Variants in SPHKAP observed in about 807,000 individuals in gnomAD.
The protein encoded by SPHKAP is SPHK1 interactor, AKAP domain containing.
Under a neutral mutation model 137.5 loss-of-function variants are expected in SPHKAP, and 67 were observed. That is an observed-to-expected ratio of 0.49 (90% CI 0.40 to 0.60). SPHKAP has a LOEUF of 0.60. SPHKAP is among the 20% of genes least tolerant of loss of function. The probability of loss-of-function intolerance (pLI) is 0.00; values close to 1 mark genes in which losing one functional copy is unlikely to be tolerated. For synonymous variants in SPHKAP, 813 were observed against 785.3 expected (o/e 1.04, Z -0.59); for missense variants, 2,097 against 2,069.3 (o/e 1.01, Z -0.26).
chr2:228,025,737 T>G (rs550820605), intron 4 of SPHKAP: 2 of 681,168 alleles, frequency 2.9e-6, no homozygotes, highest in Non-Finnish European at 1.8e-6. Context: ...AACTCTTTAG[T>G]TCTACATTTT....
At chr2:228,088,481 C>T (rs542958788) in intron 3 of SPHKAP, among the ~76,000 whole-genome samples, 40 of 152,060 alleles carry the variant, frequency 2.6e-4, no homozygotes, top group Non-Finnish European at 4.7e-4. Flanking sequence ...ATATTCACTT[C>T]ACACAAAAGA....
intron 3 of SPHKAP, among the ~76,000 whole-genome samples, chr2:228,037,812 C>G (rs1695683063): frequency 6.6e-6 from 1 of 152,208 alleles, no homozygotes; most frequent in African/African-American, 2.4e-5. Flanking sequence ...AAACTGGGGC[C>G]TATGCACATT....
At chr2:228,131,955 AG>A (rs1699267237) in intron 2 of SPHKAP, 24 bp downstream of exon 2, 2 of 1,608,338 alleles carry the variant, frequency 1.2e-6, no homozygotes, top group African/African-American at 1.3e-5. Flanking sequence ...ACTGACAAGA[AG>A]AAAGTGGCGT....
chr2:228,062,182 T>C (rs990446866), intron 3 of SPHKAP, among the ~76,000 whole-genome samples: 3 of 151,880 alleles, frequency 2.0e-5, no homozygotes, highest in African/African-American at 7.3e-5. Flanking sequence ...TCTTTTTTTT[T>C]TTTTAAATCT....
intron 2 of SPHKAP, among the ~76,000 whole-genome samples, chr2:228,130,258 A>G (rs961067532): frequency 6.6e-6 from 1 of 152,194 alleles, no homozygotes. Flanking sequence ...CTCTCTAGGA[A>G]TGGTAATACC....
At chr2:228,084,346 A>T (rs1272401840) in intron 3 of SPHKAP, among the ~76,000 whole-genome samples, 1 of 152,212 alleles carries the variant, frequency 6.6e-6, no homozygotes, top group Non-Finnish European at 1.5e-5. Context: ...ACATGACTAC[A>T]AACCGAAAGG....
At chr2:228,180,689 G>A (rs889573076) in intron 1 of SPHKAP, among the ~76,000 whole-genome samples, 1 of 152,192 alleles carries the variant, frequency 6.6e-6, no homozygotes, top group East Asian at 1.9e-4. Context: ...CGCGCCCAGC[G>A]AGCGCAAAGA....
chr2:228,128,286 G>C (rs115450338), intron 2 of SPHKAP, among the ~76,000 whole-genome samples: 2 of 152,252 alleles, frequency 1.3e-5, no homozygotes, highest in African/African-American at 4.8e-5. Context: ...TTTCACAAAC[G>C]TTCACAGCAT....
At chr2:228,152,555 T>C (rs183139354) in intron 1 of SPHKAP, among the ~76,000 whole-genome samples, 4 of 152,256 alleles carry the variant, frequency 2.6e-5, no homozygotes, top group African/African-American at 9.6e-5. Flanking sequence ...AATCGTTGTA[T>C]TTTATTTGCA....
intron 3 of SPHKAP, among the ~76,000 whole-genome samples, chr2:228,067,453 C>T (rs1204385391): frequency 1.3e-5 from 2 of 152,156 alleles, no homozygotes; most frequent in Non-Finnish European, 2.9e-5. Flanking sequence ...TTCATATGCT[C>T]TATTATGATC....
In SPHKAP at chr2:228,027,977, G is replaced by GA. The variant is rs767238383; in HGVS notation, c.247-435dup. The GA allele has an allele frequency of 7.9e-5, 69 of 870,522 alleles. No homozygotes were observed. In the East Asian group the frequency reaches 7.3e-3, roughly 92 times the overall value. The allele number at this position is 870,522 out of a possible 1,614,324, so 53.9% of individuals were successfully genotyped here. A position where few individuals can be genotyped will look rare whatever the true frequency, so the allele number is the denominator to read the frequency against. On this transcript the variant is annotated intron_variant, in intron 3 of 11. Transcript: ENST00000392056. ...CTGCATCTGAAAAAAAAAAAAAAAA[G>GA]AAAAAAGAAAAAAAGAAATAGTAAT...
intron 5 of SPHKAP, among the ~76,000 whole-genome samples, chr2:228,024,991 C>A (rs1178012449): frequency 2.0e-5 from 3 of 152,074 alleles, no homozygotes; most frequent in East Asian, 3.8e-4. Flanking sequence ...TAGTTTGGTA[C>A]CTCCTAAGGA....
At chr2:228,044,640 T>C (rs1396758994) in intron 3 of SPHKAP, among the ~76,000 whole-genome samples, 1 of 152,150 alleles carries the variant, frequency 6.6e-6, no homozygotes, top group East Asian at 1.9e-4. Context: ...CAAACTATAG[T>C]TGACACATAA....
chr2:228,000,962 C>T (rs1323917472), intron 7 of SPHKAP, among the ~76,000 whole-genome samples: 1 of 151,998 alleles, frequency 6.6e-6, no homozygotes, highest in African/African-American at 2.4e-5. Context: ...AAACACTCCC[C>T]AAATGTCTTC....
At chr2:228,026,284 CTCT>C (rs1695032798) in intron 4 of SPHKAP, among the ~76,000 whole-genome samples, 1 of 152,120 alleles carries the variant, frequency 6.6e-6, no homozygotes, top group Non-Finnish European at 1.5e-5. Flanking sequence ...GGACTAATAC[CTCT>C]TCTTTTCTAA....
At position 228,108,855 on chromosome 2, in the gene SPHKAP, C is replaced by T. The variant is rs1203603286; in HGVS notation, c.223G>A (p.Asp75Asn). 6.2e-7 allele frequency: 1 copy of T among 1,609,982 alleles called. No individual in the cohort carries two copies. The highest frequency in any genetic ancestry group is 8.5e-7 in the Non-Finnish European group (1 of 1,179,048). ...RMPCQIGFVE[D>N]KSENCASVCF... ...ACAGAAGCACAGTTTTCAGACTTGT[C>T]TTCTACAAAACCAATTTGGCAGGGC... The change falls in exon 3 of 12, where the codon GAC (aspartate) becomes AAC (asparagine). Residue 75 changes from aspartate to asparagine, a missense_variant. Coordinates refer to ENST00000392056, the MANE Select transcript of SPHKAP (RefSeq NM_001142644.2).
intron 11 of SPHKAP, among the ~76,000 whole-genome samples, chr2:227,990,640 T>C (rs1238348925): frequency 6.6e-6 from 1 of 152,194 alleles, no homozygotes; most frequent in Non-Finnish European, 1.5e-5. Flanking sequence ...TGGCCTCACT[T>C]TGGTTTCTGT....
chr2:228,140,593 G>A (rs540705226), intron 1 of SPHKAP, among the ~76,000 whole-genome samples: 12 of 152,174 alleles, frequency 7.9e-5, no homozygotes, highest in African/African-American at 2.4e-4. Context: ...AGGGTAACAC[G>A]TAATCCAAGT....
At chr2:228,113,676 G>C (rs183924257) in intron 2 of SPHKAP, among the ~76,000 whole-genome samples, 1 of 138,722 alleles carries the variant, frequency 7.2e-6, no homozygotes, top group Admixed American at 7.8e-5. Flanking sequence ...CAGGAGGTTT[G>C]AATTCCAGTC....
Sources: allele counts gnomAD v4.1 joint callset (sites outside exome capture counted in the v4.1 genomes callset), GRCh38; gene constraint gnomAD v4.1.1; transcripts MANE v1.5; gene names NCBI Gene and HGNC (gene_info 2026-07-23, HGNC 2026-07-21).